PKHD1L1: variants seen among roughly 807,000 people sequenced by gnomAD.
PKHD1L1 encodes fibrocystin-L.
PKHD1L1 carries 434 observed loss-of-function variants against 462.9 expected under a neutral mutation model. The ratio of observed to expected loss-of-function variants is 0.94; its 90% CI spans 0.87 to 1.02. PKHD1L1 has a LOEUF of 1.02. PKHD1L1 is among the 50% of genes least tolerant of loss of function. PKHD1L1 has a pLI of 0.00. For synonymous variants in PKHD1L1, 1,781 were observed against 1,750.0 expected (o/e 1.02, Z -0.44); for missense variants, 5,202 against 5,096.1 (o/e 1.02, Z -0.63).
intron 67 of PKHD1L1, chr8:109,498,991 T>C (rs1586628019): frequency 2.0e-6 from 1 of 502,916 alleles, no homozygotes; most frequent in African/African-American, 1.9e-5. Flanking sequence ...TAAATTTTCC[T>C]TCTAAAACAA....
Position 109,445,066 on chromosome 8 carries a change from G to A in PKHD1L1, c.5197G>A (p.Ala1733Thr), listed in dbSNP as rs544463896. The A allele has an allele frequency of 6.2e-7, 1 of 1,613,810 alleles. No individual in the cohort carries two copies. Among genetic ancestry groups the A allele is most frequent in the Non-Finnish European group, 8.5e-7 (1 of 1,179,838 alleles). ...DVDLLIHGVP[A>T]QCQGNCTFSY... ...AGATCTTCTAATACATGGAGTGCCTGCCCAGTGCCAGGGAAACTGCACCTT... is the reference window on the plus strand; with the variant it reads ...AGATCTTCTAATACATGGAGTGCCTACCCAGTGCCAGGGAAACTGCACCTT... The change falls in exon 38 of 78, where the codon GCC becomes ACC. Residue 1733 changes from alanine (A) to threonine (T), a missense_variant. Physicochemically the swap from Ala to Thr is moderately conservative, Grantham distance 58. Transcript: ENST00000378402.
chr8:109,484,793 T>C (rs1421791373), intron 57 of PKHD1L1, among the ~76,000 whole-genome samples: 1 of 151,934 alleles, frequency 6.6e-6, no homozygotes, highest in African/African-American at 2.4e-5. Context: ...AAAAAAGGTA[T>C]ATTGCTGTGG....
At position 109,459,703 on chromosome 8, in the gene PKHD1L1, C is replaced by T. The variant is rs1817010652; in HGVS notation, c.7113C>T (p.Val2371=). ...ATTACACACACTTAGGAATTACGGT[C>T]ACACTCCCTGATGGAACTCTGTTTG... is the stretch of plus-strand genomic sequence containing the variant. ...PLNYTHLGIT[V]TLPDGTLFEA... Residue 2371 remains valine, a synonymous_variant, in exon 47 of 78, where the codon GTC becomes GTT. Coordinates refer to ENST00000378402, the MANE Select transcript of PKHD1L1 (RefSeq NM_177531.6). 6.2e-7 allele frequency: 1 copy of T among 1,611,828 alleles called. No individual in the cohort carries two copies. Among genetic ancestry groups the T allele is most frequent in the Non-Finnish European group, 8.5e-7 (1 of 1,178,794 alleles).
Position 109,367,522 on chromosome 8 carries a change from T to C in PKHD1L1, c.163+2886T>C, listed in dbSNP as rs376641550. Reference sequence around the variant, plus strand: ...ACATTTTCATGTATCCAAATGACTTTTGGCTATTTCCAAACATAGTATAGT... The same window carrying C: ...ACATTTTCATGTATCCAAATGACTTCTGGCTATTTCCAAACATAGTATAGT... On this transcript the variant is annotated intron_variant, in intron 2 of 77. Transcript: ENST00000378402. Among the ~76,000 whole-genome samples the C allele has an allele frequency of 1.1e-4, 17 of 152,372 alleles. 1 individual carries two copies. The East Asian group carries it at 2.9e-3, about 26-fold the overall frequency.
At chr8:109,449,528 G>T in intron 40 of PKHD1L1, 41 bp downstream of exon 40, 1 of 1,495,202 alleles carries the variant, frequency 6.7e-7, no homozygotes. Flanking sequence ...TTGAGAACTA[G>T]TTAATTTTAT....
chr8:109,367,730 T>C (rs2130311467), intron 2 of PKHD1L1, among the ~76,000 whole-genome samples: 1 of 152,238 alleles, frequency 6.6e-6, no homozygotes, highest in East Asian at 1.9e-4. Flanking sequence ...ACCCTGTCTC[T>C]ACAAATGAAA....
At chr8:109,447,419 A>G (rs1165847122) in intron 38 of PKHD1L1, among the ~76,000 whole-genome samples, 1 of 152,220 alleles carries the variant, frequency 6.6e-6, no homozygotes, top group Non-Finnish European at 1.5e-5. Context: ...GTAAAAAGTT[A>G]TGTTGACGAA....
chr8:109,455,364 C>A (rs930398671), intron 45 of PKHD1L1, among the ~76,000 whole-genome samples: 3 of 152,068 alleles, frequency 2.0e-5, no homozygotes, highest in Non-Finnish European at 4.4e-5. Flanking sequence ...AACAAACAAA[C>A]AAACAAAACC....
In PKHD1L1 at chr8:109,504,511, G is replaced by A; in HGVS notation, c.10994+19G>A. Reference sequence around the variant, plus strand: ...ATATAAGGTAAAATACATAAAAATTGTGGTTTTTCTATCTTTATAGTTTTT... The same window carrying A: ...ATATAAGGTAAAATACATAAAAATTATGGTTTTTCTATCTTTATAGTTTTT... On this transcript the variant is annotated intron_variant, in intron 68 of 77. Transcript: ENST00000378402. The A allele has an allele frequency of 7.1e-7, 1 of 1,409,128 alleles. No individual in the cohort carries two copies. Among genetic ancestry groups the A allele is most frequent in the Non-Finnish European group, 9.4e-7 (1 of 1,059,700 alleles). 87.3% of individuals were successfully genotyped at this position (1,409,128 alleles called of 1,614,324 possible). A position where few individuals can be genotyped will look rare whatever the true frequency, so the allele number is the denominator to read the frequency against.
At chr8:109,493,272 T>C (rs1278536173) in intron 62 of PKHD1L1, among the ~76,000 whole-genome samples, 1 of 149,834 alleles carries the variant, frequency 6.7e-6, no homozygotes. Flanking sequence ...TAAACATATA[T>C]TTATCACTTT....
chr8:109,372,148 C>T (rs1245622077), intron 2 of PKHD1L1, among the ~76,000 whole-genome samples: 1 of 152,104 alleles, frequency 6.6e-6, no homozygotes, highest in Non-Finnish European at 1.5e-5. Context: ...ATGGAATGTT[C>T]TTCCATTTGT....
At chr8:109,474,569 CAA>C (rs908357006) in intron 50 of PKHD1L1, among the ~76,000 whole-genome samples, 7 of 152,164 alleles carry the variant, frequency 4.6e-5, no homozygotes, top group South Asian at 4.1e-4. Context: ...TAAAGTCAAA[CAA>C]AATTATTTAC....
intron 25 of PKHD1L1, among the ~76,000 whole-genome samples, chr8:109,428,154 ATCTTAATAC>A (rs1368761686): frequency 6.6e-6 from 1 of 152,058 alleles, no homozygotes; most frequent in African/African-American, 2.4e-5. Flanking sequence ...ACTTAGTAGT[ATCTTAATAC>A]AGAGACCTTA....
At chr8:109,495,239 C>G (rs994446884) in intron 63 of PKHD1L1, among the ~76,000 whole-genome samples, 1 of 151,972 alleles carries the variant, frequency 6.6e-6, no homozygotes, top group Admixed American at 6.6e-5. Context: ...TAGTTCCCAA[C>G]CACTTAAAGT....
chr8:109,509,997 C>T (rs1283355210), intron 70 of PKHD1L1, among the ~76,000 whole-genome samples: 3 of 152,056 alleles, frequency 2.0e-5, no homozygotes, highest in African/African-American at 7.2e-5. Flanking sequence ...TTTAAACCTG[C>T]TCAGAAAATG....
intron 2 of PKHD1L1, among the ~76,000 whole-genome samples, chr8:109,373,961 G>GA (rs1022286535): frequency 2.6e-5 from 4 of 152,112 alleles, no homozygotes; most frequent in East Asian, 1.9e-4. Context: ...GTGTGGTGCT[G>GA]AAAAAAATGT....
intron 2 of PKHD1L1, among the ~76,000 whole-genome samples, chr8:109,372,578 G>C (rs538854730): frequency 2.6e-5 from 4 of 152,164 alleles, no homozygotes; most frequent in African/African-American, 4.8e-5. Context: ...TCCCTGTCTT[G>C]TGCCAGTTTT....
intron 50 of PKHD1L1, chr8:109,471,218 CA>C: frequency 1.4e-6 from 1 of 724,000 alleles, no homozygotes; most frequent in Non-Finnish European, 2.1e-6. Context: ...CAGATGGTGT[CA>C]TTTAGTAAGG....
chr8:109,517,693 AG>A, intron 72 of PKHD1L1, among the ~76,000 whole-genome samples: 1 of 150,884 alleles, frequency 6.6e-6, no homozygotes, highest in African/African-American at 2.5e-5. Context: ...TTTATTACAC[AG>A]TTTTGTCCTT....
Sources: allele counts gnomAD v4.1 joint callset (sites outside exome capture counted in the v4.1 genomes callset), GRCh38; gene constraint gnomAD v4.1.1; transcripts MANE v1.5; gene names NCBI Gene and HGNC (gene_info 2026-07-23, HGNC 2026-07-21).